Variants in MARCHF1 observed in about 807,000 individuals in gnomAD.
The protein encoded by MARCHF1 is membrane associated ring-CH-type finger 1, also known as E3 ubiquitin-protein ligase MARCHF1.
MARCHF1 carries 40 observed loss-of-function variants against 54.2 expected under a neutral mutation model. The ratio of observed to expected loss-of-function variants is 0.74; its 90% CI spans 0.57 to 0.96. MARCHF1 has a LOEUF of 0.96. Among genes scored for constraint, MARCHF1 ranks in the 40% least tolerant of loss-of-function variants. The probability of loss-of-function intolerance (pLI) is 0.00; values close to 1 mark genes in which losing one functional copy is unlikely to be tolerated. For synonymous variants in MARCHF1, 236 were observed against 236.3 expected (o/e 1.00, Z 0.01); for missense variants, 586 against 656.5 (o/e 0.89, Z 1.17).
chr4:163,896,331 G>A (rs1261605831), intron 3 of MARCHF1, among the ~76,000 whole-genome samples: 1 of 152,160 alleles, frequency 6.6e-6, no homozygotes, highest in East Asian at 1.9e-4. Flanking sequence ...CAGGAAGGCT[G>A]AATTTTGATT....
At chr4:163,771,206 C>T (rs1240415052) in intron 4 of MARCHF1, among the ~76,000 whole-genome samples, 1 of 152,102 alleles carries the variant, frequency 6.6e-6, no homozygotes, top group Non-Finnish European at 1.5e-5. Context: ...CCCTCAGGGG[C>T]AGTGCTATTG....
chr4:163,972,788 A>T (rs1266584012), intron 3 of MARCHF1, among the ~76,000 whole-genome samples: 1 of 149,838 alleles, frequency 6.7e-6, no homozygotes, highest in Non-Finnish European at 1.5e-5. Context: ...CCATCTCCTG[A>T]CCTCGTGATC....
chr4:164,356,538 T>G (rs1030454148), intron 1 of MARCHF1, among the ~76,000 whole-genome samples: 3 of 130,288 alleles, frequency 2.3e-5, no homozygotes, highest in Non-Finnish European at 5.1e-5. Flanking sequence ...ACACCGCATA[T>G]TCTCACTCAT....
chr4:163,556,020 C>T (rs1395892478), intron 8 of MARCHF1: 2 of 455,022 alleles, frequency 4.4e-6, no homozygotes, highest in African/African-American at 2.0e-5. Flanking sequence ...CCAATTTTAC[C>T]CCATCATTTT....
Position 163,528,826 on chromosome 4 carries a change from C to T in MARCHF1, c.1560G>A (p.Val520=). 1 of 1,613,310 alleles carries T rather than the reference C, an allele frequency of 6.2e-7. No individual in the cohort carries two copies. Among genetic ancestry groups the T allele is most frequent in the Non-Finnish European group, 8.5e-7 (1 of 1,179,528 alleles). The change falls in exon 10 of 10, where the codon GTG becomes GTA. Residue 520 remains valine, a synonymous_variant. Transcript: ENST00000514618. ...CNVNTDIKDA[V]VVPVPQTGAN... The stretch of plus-strand genomic sequence containing the variant: ...CACCTGTTTGTGGTACAGGCACTAC[C>T]ACAGCATCTTTGATGTCTGTGTTTA...
intron 8 of MARCHF1, among the ~76,000 whole-genome samples, chr4:163,560,988 T>C (rs555392715): frequency 6.6e-6 from 1 of 152,284 alleles, no homozygotes; most frequent in South Asian, 2.1e-4. Context: ...TTGAATCTTT[T>C]CCAATCGAGA....
rs1240941499 is a variant in MARCHF1, at chr4:164,274,639, G to C, written c.-323+109231C>G. Among the ~76,000 whole-genome samples, 3 of 126,774 alleles carry C rather than the reference G, an allele frequency of 2.4e-5. No homozygotes were observed. In the East Asian group the frequency reaches 6.9e-4, roughly 29 times the overall value. The allele number at this position is 126,774 out of a possible 152,430, so 83.2% of individuals were successfully genotyped here. A position where few individuals can be genotyped will look rare whatever the true frequency, so the allele number is the denominator to read the frequency against. On this transcript the variant is annotated intron_variant, in intron 1 of 9. Coordinates refer to ENST00000514618, the MANE Select transcript of MARCHF1 (RefSeq NM_001394959.1). ...AATTTATGAACTCTACCTGTCGCTT[G>C]ATGTGTGCTTCAGGGTACACTTTTT...
intron 1 of MARCHF1, among the ~76,000 whole-genome samples, chr4:164,297,748 A>G (rs77593965): frequency 0.032 from 4,807 of 152,262 alleles, 247 homozygotes; most frequent in African/African-American, 0.11. Context: ...TTATCAGTGA[A>G]TGAATACAAT....
At chr4:163,820,395 T>A (rs185034818) in intron 4 of MARCHF1, among the ~76,000 whole-genome samples, 5 of 152,184 alleles carry the variant, frequency 3.3e-5, no homozygotes, top group Admixed American at 6.6e-5. Context: ...TACTTGGCCA[T>A]TCAAATTTGA....
rs116170075 is a variant in MARCHF1, at chr4:163,592,875, C to A, written c.1011-6946G>T. Among the ~76,000 whole-genome samples the A allele has an allele frequency of 2.6e-3, 396 of 152,092 alleles. 2 individuals carry two copies. Among genetic ancestry groups the A allele is most frequent in the African/African-American group, 8.9e-3 (368 of 41,498 alleles). The stretch of plus-strand genomic sequence containing the variant: ...TGGGCTCTTGAAACACATTAAGATT[C>A]CCCCATTCCCTCTATTGATGTGTGT... On this transcript the variant is annotated intron_variant, in intron 7 of 9. Coordinates refer to ENST00000514618, the MANE Select transcript of MARCHF1 (RefSeq NM_001394959.1).
At chr4:163,701,838 G>GT (rs34195170) in intron 4 of MARCHF1, among the ~76,000 whole-genome samples, 64,754 of 149,980 alleles carry the variant, frequency 0.43, 14,473 homozygotes, top group Non-Finnish European at 0.5. Context: ...AATTCCTTTT[G>GT]TTTTTTTTTT....
At chr4:163,814,018 A>G (rs965277025) in intron 4 of MARCHF1, among the ~76,000 whole-genome samples, 1 of 152,136 alleles carries the variant, frequency 6.6e-6, no homozygotes, top group African/African-American at 2.4e-5. Flanking sequence ...AAACCCTCAC[A>G]GCCTCTGGAA....
chr4:164,147,772 T>G (rs1560927420), intron 1 of MARCHF1, among the ~76,000 whole-genome samples: 1 of 149,432 alleles, frequency 6.7e-6, no homozygotes, highest in Non-Finnish European at 1.5e-5. Context: ...TGTATACAAA[T>G]GTAACTAACC....
At chr4:163,660,072 T>C (rs1169641681) in intron 5 of MARCHF1, among the ~76,000 whole-genome samples, 1 of 152,080 alleles carries the variant, frequency 6.6e-6, no homozygotes, top group Non-Finnish European at 1.5e-5. Context: ...CAAAGAATTA[T>C]AAATCATTCT....
chr4:163,660,471 G>C (rs1743308113), intron 5 of MARCHF1, among the ~76,000 whole-genome samples: 2 of 151,760 alleles, frequency 1.3e-5, no homozygotes, highest in Admixed American at 1.3e-4. Context: ...TTAAAACATA[G>C]ATGACGGGTG....
At chr4:163,880,841 A>G (rs1750400046) in intron 3 of MARCHF1, among the ~76,000 whole-genome samples, 1 of 152,216 alleles carries the variant, frequency 6.6e-6, no homozygotes, top group Non-Finnish European at 1.5e-5. Flanking sequence ...TTAAAAATGT[A>G]TGAGCTTTAT....
intron 4 of MARCHF1, among the ~76,000 whole-genome samples, chr4:163,852,885 G>T (rs1011114202): frequency 9.9e-5 from 15 of 152,120 alleles, no homozygotes; most frequent in African/African-American, 3.4e-4. Flanking sequence ...CCTTTGGGAG[G>T]TGATTAGGTC....
chr4:163,621,097 T>C (rs116385682), intron 5 of MARCHF1, among the ~76,000 whole-genome samples: 6 of 152,276 alleles, frequency 3.9e-5, no homozygotes, highest in African/African-American at 7.2e-5. Context: ...GATAATAACA[T>C]GAAATCATTG....
intron 5 of MARCHF1, among the ~76,000 whole-genome samples, chr4:163,632,432 A>G (rs985838690): frequency 2.0e-5 from 3 of 152,106 alleles, no homozygotes; most frequent in Admixed American, 2.0e-4. Flanking sequence ...TGCCTCACTC[A>G]GGAAGCGCAA....
Sources: gnomAD v4.1 joint callset for allele counts (sites outside exome capture counted in the v4.1 genomes callset) on GRCh38, gnomAD v4.1.1 for gene constraint, MANE v1.5 for transcripts, NCBI Gene and HGNC (gene_info 2026-07-23, HGNC 2026-07-21) for gene names.